PLCB1: variants seen among roughly 807,000 people sequenced by gnomAD.
PLCB1 encodes 1-phosphatidylinositol 4,5-bisphosphate phosphodiesterase beta-1.
A neutral mutation model predicts 161.8 loss-of-function variants in PLCB1; 46 were observed. The observed-to-expected ratio is 0.28, with a 90% CI of 0.22 to 0.36. The LOEUF is 0.36. Among genes scored for constraint, PLCB1 ranks in the 10% least tolerant of loss-of-function variants. The pLI, the probability that PLCB1 is intolerant of heterozygous loss-of-function variation, is 1.00. For synonymous variants in PLCB1, 517 were observed against 503.7 expected, an observed-to-expected ratio of 1.03 and a Z score of -0.35; for missense variants, 1,016 against 1,472.5, an observed-to-expected ratio of 0.69 and a Z score of 5.07.
At position 8,684,798 on chromosome 20, in the gene PLCB1, ACTCTTATTTATC is replaced by A. The variant is rs1990317684; in HGVS notation, c.863-132_863-121del. The A allele has an allele frequency of 1.0e-5, 6 of 581,314 alleles. No homozygotes were observed. In the South Asian group the frequency reaches 1.6e-4, roughly 16 times the overall value. The allele number at this position is 581,314 out of a possible 1,614,324, so 36.0% of individuals were successfully genotyped here. A position where few individuals can be genotyped will look rare whatever the true frequency, so the allele number is the denominator to read the frequency against. ...TTGTAGTGAAACAGAATAATCCTAC[ACTCTTATTTATC>A]CATACTAAAATGTCTTCTACCTTGG... is the stretch of plus-strand genomic sequence containing the variant. On this transcript the variant is annotated intron_variant, in intron 9 of 31. Transcript: ENST00000338037.
At chr20:8,214,257 T>C (rs1179804917) in intron 2 of PLCB1, among the ~76,000 whole-genome samples, 2 of 152,072 alleles carry the variant, frequency 1.3e-5, no homozygotes, top group African/African-American at 4.8e-5. Context: ...GTATTGGAGG[T>C]GGGGCCTGGT....
chr20:8,428,976 AT>A (rs1485749031), intron 3 of PLCB1, among the ~76,000 whole-genome samples: 14 of 152,224 alleles, frequency 9.2e-5, no homozygotes, highest in African/African-American at 3.4e-4. Flanking sequence ...TTCAGGTGCC[AT>A]TGGAGGTTTC....
At chr20:8,409,226 A>C (rs1014358158) in intron 3 of PLCB1, among the ~76,000 whole-genome samples, 1 of 152,184 alleles carries the variant, frequency 6.6e-6, no homozygotes, top group Admixed American at 6.5e-5. Flanking sequence ...CTGTGATGGC[A>C]TGCAACTGCC....
At chr20:8,762,847 G>A (rs1249567899) in intron 25 of PLCB1, among the ~76,000 whole-genome samples, 1 of 152,144 alleles carries the variant, frequency 6.6e-6, no homozygotes, top group Non-Finnish European at 1.5e-5. Flanking sequence ...TTATTCACTA[G>A]ACATCTTATT....
intron 15 of PLCB1, 88 bp downstream of exon 15, chr20:8,722,509 T>A (rs1979703986): frequency 1.2e-6 from 1 of 857,892 alleles, no homozygotes; most frequent in Non-Finnish European, 1.7e-6. Flanking sequence ...TGCCATCTAG[T>A]GGCAAAAAGT....
chr20:8,374,643 A>G (rs1318729698), intron 3 of PLCB1, among the ~76,000 whole-genome samples: 2 of 152,130 alleles, frequency 1.3e-5, no homozygotes, highest in Non-Finnish European at 2.9e-5. Context: ...GGAAAACTAG[A>G]CCATTGAGTT....
chr20:8,332,181 A>G (rs1985389919), intron 2 of PLCB1, among the ~76,000 whole-genome samples: 1 of 152,202 alleles, frequency 6.6e-6, no homozygotes, highest in Non-Finnish European at 1.5e-5. Flanking sequence ...ACATGATTCT[A>G]CTGACTTGCT....
intron 31 of PLCB1, among the ~76,000 whole-genome samples, chr20:8,854,990 CAT>C (rs1987022446): frequency 1.3e-5 from 2 of 152,206 alleles, no homozygotes; most frequent in South Asian, 2.1e-4. Flanking sequence ...GTTTAAATAA[CAT>C]AACGGAGAGG....
chr20:8,297,067 T>C (rs1983664021), intron 2 of PLCB1, among the ~76,000 whole-genome samples: 1 of 151,934 alleles, frequency 6.6e-6, no homozygotes, highest in Non-Finnish European at 1.5e-5. Context: ...AACACATGCA[T>C]ACACACACAC....
At chr20:8,517,450 G>T (rs1405698797) in intron 3 of PLCB1, among the ~76,000 whole-genome samples, 2 of 152,160 alleles carry the variant, frequency 1.3e-5, no homozygotes, top group Non-Finnish European at 2.9e-5. Context: ...CTCACATACA[G>T]GGGAGAGAGG....
intron 3 of PLCB1, among the ~76,000 whole-genome samples, chr20:8,562,476 G>A (rs1009745601): frequency 2.0e-5 from 3 of 152,122 alleles, no homozygotes; most frequent in African/African-American, 7.2e-5. Context: ...TGCTCCGGCA[G>A]AAAGCCGGTT....
At chr20:8,676,358 C>T (rs1990073473) in intron 9 of PLCB1, among the ~76,000 whole-genome samples, 2 of 148,240 alleles carry the variant, frequency 1.3e-5, no homozygotes, top group Non-Finnish European at 3.0e-5. Context: ...AAGACTCTGT[C>T]TCAAGAAGAG....
chr20:8,481,238 A>T (rs1404265240), intron 3 of PLCB1, among the ~76,000 whole-genome samples: 1 of 152,170 alleles, frequency 6.6e-6, no homozygotes, highest in African/African-American at 2.4e-5. Flanking sequence ...GACAAAAAAA[A>T]CTTCAGATAT....
At chr20:8,488,328 A>G (rs2122768409) in intron 3 of PLCB1, among the ~76,000 whole-genome samples, 1 of 152,222 alleles carries the variant, frequency 6.6e-6, no homozygotes, top group African/African-American at 2.4e-5. Flanking sequence ...GGAACTCCAC[A>G]GGGATCAAGC....
At chr20:8,289,255 C>CA (rs1983272245) in intron 2 of PLCB1, among the ~76,000 whole-genome samples, 1 of 152,202 alleles carries the variant, frequency 6.6e-6, no homozygotes, top group South Asian at 2.1e-4. Context: ...CTGCTTTAAA[C>CA]AAGCACTTGA....
At chr20:8,490,876 A>G (rs1430362894) in intron 3 of PLCB1, among the ~76,000 whole-genome samples, 1 of 143,478 alleles carries the variant, frequency 7.0e-6, no homozygotes, top group East Asian at 1.9e-4. Flanking sequence ...ATATATATAT[A>G]TGTACACATA....
intron 3 of PLCB1, among the ~76,000 whole-genome samples, chr20:8,423,859 A>G (rs1051305040): frequency 9.8e-5 from 15 of 152,292 alleles, no homozygotes; most frequent in African/African-American, 3.4e-4. Context: ...ACACTCATCT[A>G]TGCATCGCTC....
chr20:8,317,704 G>C (rs1195684125), intron 2 of PLCB1, among the ~76,000 whole-genome samples: 1 of 152,198 alleles, frequency 6.6e-6, no homozygotes, highest in African/African-American at 2.4e-5. Flanking sequence ...GCTGTTCAGA[G>C]TGGGAGGATC....
At chr20:8,789,624 T>C in intron 30 of PLCB1, 49 bp downstream of exon 30, 3 of 1,375,674 alleles carry the variant, frequency 2.2e-6, no homozygotes, top group Non-Finnish European at 3.1e-6. Flanking sequence ...GTGTGAACAT[T>C]TGGTGAGCTC....
Sources: gnomAD v4.1 joint callset for allele counts (sites outside exome capture counted in the v4.1 genomes callset) on GRCh38, gnomAD v4.1.1 for gene constraint, MANE v1.5 for transcripts, NCBI Gene and HGNC (gene_info 2026-07-23, HGNC 2026-07-21) for gene names.